DOK5: variants seen among roughly 807,000 people sequenced by gnomAD.
DOK5 encodes docking protein 5, also known as downstream of tyrosine kinase 5.
DOK5 carries 27 observed loss-of-function variants against 43.3 expected under a neutral mutation model. That is an observed-to-expected ratio of 0.62 (90% CI 0.46 to 0.86). The LOEUF (loss-of-function observed/expected upper bound fraction) is 0.86, where lower values mean the gene tolerates loss of function less well. Among genes scored for constraint, DOK5 ranks in the 40% least tolerant of loss-of-function variants. DOK5 has a pLI of 0.00. For missense variants in DOK5, 373 were observed against 392.9 expected (o/e 0.95, Z 0.43); for synonymous variants, 146 against 140.1 (o/e 1.04, Z -0.30).
At chr20:54,541,417 T>G (rs944237763) in intron 1 of DOK5, among the ~76,000 whole-genome samples, 3 of 152,138 alleles carry the variant, frequency 2.0e-5, no homozygotes, top group African/African-American at 7.2e-5. Flanking sequence ...AACCAACATC[T>G]TTACTCAATT....
At position 54,496,780 on chromosome 20, in the gene DOK5, A is replaced by AG. The variant is rs1346653511; in HGVS notation, c.66+20768_66+20769insG. Among the ~76,000 whole-genome samples the AG allele has an allele frequency of 4.0e-5, 6 of 151,762 alleles. No individual in the cohort carries two copies. The South Asian group carries it at 8.3e-4, about 21-fold the overall frequency. On this transcript the variant is annotated intron_variant, in intron 1 of 7. Transcript: ENST00000262593. Reference sequence around the variant, plus strand: ...GACTCCGTCTCAAAAAAAAAAAAAAAAAAAAAGAAAAAAATGAACCAGCAT... The same window carrying AG: ...GACTCCGTCTCAAAAAAAAAAAAAAAGAAAAAAGAAAAAAATGAACCAGCAT...
intron 6 of DOK5, among the ~76,000 whole-genome samples, chr20:54,642,706 G>A (rs1442887279): frequency 6.6e-6 from 1 of 152,032 alleles, no homozygotes; most frequent in East Asian, 1.9e-4. Context: ...CTTGCTGACA[G>A]AGCAAGACTC....
At chr20:54,476,223 G>A (rs1981419398) in intron 1 of DOK5, 1 of 984,912 alleles carries the variant, frequency 1.0e-6, no homozygotes, top group Non-Finnish European at 1.2e-6. Context: ...TGGATGACTT[G>A]GCTTTCTGAT....
At chr20:54,550,749 T>G (rs59138982) in intron 1 of DOK5, among the ~76,000 whole-genome samples, 4,937 of 152,250 alleles carry the variant, frequency 0.032, 272 homozygotes, top group African/African-American at 0.11. Context: ...GCTAGTAGTA[T>G]TCCATTGTAT....
intron 6 of DOK5, among the ~76,000 whole-genome samples, chr20:54,619,022 A>ATTTTATAT (rs72338710): frequency 6.1e-5 from 3 of 48,792 alleles, no homozygotes; most frequent in African/African-American, 2.5e-4. Flanking sequence ...GTTTCAATAA[A>ATTTTATAT]TTATATATAT....
At chr20:54,593,636 G>A (rs1408740163) in intron 5 of DOK5, among the ~76,000 whole-genome samples, 2 of 152,134 alleles carry the variant, frequency 1.3e-5, no homozygotes, top group African/African-American at 4.8e-5. Context: ...AGAGCAGGCT[G>A]GGAAACACAG....
At chr20:54,599,909 T>G (rs959322145) in intron 5 of DOK5, among the ~76,000 whole-genome samples, 9 of 152,164 alleles carry the variant, frequency 5.9e-5, no homozygotes, top group Non-Finnish European at 1.0e-4. Context: ...GAGAGAGATA[T>G]AGACAATGAT....
At chr20:54,599,443 C>T (rs111487786) in intron 5 of DOK5, among the ~76,000 whole-genome samples, 3,413 of 152,262 alleles carry the variant, frequency 0.022, 91 homozygotes, top group African/African-American at 0.062. Context: ...TTCTACTCCA[C>T]GGAGTAACCT....
intron 2 of DOK5, among the ~76,000 whole-genome samples, chr20:54,570,080 C>T (rs1331612040): frequency 1.3e-5 from 2 of 152,124 alleles, no homozygotes; most frequent in African/African-American, 4.8e-5. Context: ...TGCTCACTGG[C>T]ACTGTATATT....
rs571381786 is a variant in DOK5 at position 54,510,782 on chromosome 20, GGCTATTGGGA to G, written c.66+34773_66+34782del. Among the ~76,000 whole-genome samples, 5 of 152,178 alleles carry G rather than the reference GGCTATTGGGA, an allele frequency of 3.3e-5. No homozygotes were observed. The East Asian group carries it at 9.7e-4, about 29-fold the overall frequency. On this transcript the variant is annotated intron_variant, in intron 1 of 7. Coordinates refer to ENST00000262593, the MANE Select transcript of DOK5 (RefSeq NM_018431.5). ...TGGGCTGAAATTACTCTCCCTGCTC[GGCTATTGGGA>G]GCACACCCCATCTACAAATTTGTCC... is the stretch of plus-strand genomic sequence containing the variant.
At chr20:54,483,947 A>T (rs1013314057) in intron 1 of DOK5, among the ~76,000 whole-genome samples, 5 of 152,160 alleles carry the variant, frequency 3.3e-5, no homozygotes, top group Admixed American at 3.3e-4. Context: ...TCTTAAGCCG[A>T]GTTGTTAACT....
intron 1 of DOK5, among the ~76,000 whole-genome samples, chr20:54,511,560 A>G (rs1983016731): frequency 6.6e-6 from 1 of 152,228 alleles, no homozygotes; most frequent in Non-Finnish European, 1.5e-5. Context: ...ATTCACTGTC[A>G]ACTAACACTA....
chr20:54,492,684 CTTTGTG>C (rs969711864), intron 1 of DOK5, among the ~76,000 whole-genome samples: 2 of 135,248 alleles, frequency 1.5e-5, no homozygotes, highest in Non-Finnish European at 3.1e-5. Context: ...AAGAGTGTGG[CTTTGTG>C]TGTGTGTGTG....
At chr20:54,628,554 T>C (rs1978419275) in intron 6 of DOK5, among the ~76,000 whole-genome samples, 1 of 149,742 alleles carries the variant, frequency 6.7e-6, no homozygotes, top group Non-Finnish European at 1.5e-5. Flanking sequence ...GCCCTAAGAA[T>C]GACTTACTCT....
chr20:54,554,440 C>G (rs1488998131), intron 1 of DOK5, among the ~76,000 whole-genome samples: 1 of 152,164 alleles, frequency 6.6e-6, no homozygotes, highest in Non-Finnish European at 1.5e-5. Flanking sequence ...TGGTGTTAAT[C>G]AGCCAATTAT....
At chr20:54,545,612 C>A (rs1360827503) in intron 1 of DOK5, among the ~76,000 whole-genome samples, 1 of 152,180 alleles carries the variant, frequency 6.6e-6, no homozygotes, top group Non-Finnish European at 1.5e-5. Flanking sequence ...ACATCTAATT[C>A]TAATGTAGTT....
intron 1 of DOK5, among the ~76,000 whole-genome samples, chr20:54,539,037 C>T (rs1984049931): frequency 6.6e-6 from 1 of 152,168 alleles, no homozygotes; most frequent in South Asian, 2.1e-4. Flanking sequence ...AATCCCAGCA[C>T]TTTGGGAGGC....
At chr20:54,496,645 A>G (rs2146673997) in intron 1 of DOK5, among the ~76,000 whole-genome samples, 1 of 151,716 alleles carries the variant, frequency 6.6e-6, no homozygotes, top group Admixed American at 6.6e-5. Context: ...AGGCGCCTGT[A>G]GTCCCAGCTA....
At chr20:54,529,272 T>A (rs1381106283) in intron 1 of DOK5, among the ~76,000 whole-genome samples, 1 of 152,210 alleles carries the variant, frequency 6.6e-6, no homozygotes, top group African/African-American at 2.4e-5. Flanking sequence ...GTATATTCCA[T>A]TGAACAATAA....
Sources: gnomAD v4.1 joint callset for allele counts (sites outside exome capture counted in the v4.1 genomes callset) on GRCh38, gnomAD v4.1.1 for gene constraint, MANE v1.5 for transcripts, NCBI Gene and HGNC (gene_info 2026-07-23, HGNC 2026-07-21) for gene names.